Variants in EPHA3 observed in about 807,000 individuals in gnomAD.
EPHA3 encodes the protein EPH receptor A3.
EPHA3 carries 42 observed loss-of-function variants against 107.1 expected under a neutral mutation model. That is an observed-to-expected ratio of 0.39 (90% confidence interval 0.31 to 0.51). The LOEUF (loss-of-function observed/expected upper bound fraction) is 0.51. EPHA3 is among the 20% of genes least tolerant of loss of function. The probability of loss-of-function intolerance (pLI) is 0.78; values close to 1 mark genes in which losing one functional copy is unlikely to be tolerated. For synonymous variants in EPHA3, 461 were observed against 424.8 expected (o/e 1.09, Z -1.05); for missense variants, 1,183 against 1,211.2 (o/e 0.98, Z 0.35).
chr3:89,460,020 C>T (rs1285580422), intron 15 of EPHA3, among the ~76,000 whole-genome samples: 1 of 152,038 alleles, frequency 6.6e-6, no homozygotes, highest in Non-Finnish European at 1.5e-5. Context: ...AATTTATTCA[C>T]TTATTTTATA....
intron 3 of EPHA3, among the ~76,000 whole-genome samples, chr3:89,238,453 T>G (rs1704822947): frequency 6.6e-6 from 1 of 152,224 alleles, no homozygotes; most frequent in Non-Finnish European, 1.5e-5. Context: ...TTTCTAAAGA[T>G]TTCAATATTG....
intron 2 of EPHA3, among the ~76,000 whole-genome samples, chr3:89,173,457 A>G (rs1157868408): frequency 6.6e-6 from 1 of 152,046 alleles, no homozygotes; most frequent in Non-Finnish European, 1.5e-5. Flanking sequence ...GTTTCATTTT[A>G]TCGTTTTAGA....
rs780224889 is a variant in EPHA3, at chr3:89,107,788, T to C, written c.40T>C (p.Ser14Pro). The change falls in exon 1 of 17, where the codon TCT becomes CCT. Residue 14 changes from serine (S) to proline (P), a missense_variant. Ser to Pro is a moderately conservative substitution (Grantham distance 74, BLOSUM62 -1). Transcript: ENST00000336596. ...QLSILLLLSC[S>P]VLDSFGELIP... ...CTCCATCCTCCTCCTTCTCAGCTGC[T>C]CTGTTCTCGACAGCTTCGGGGAACT... 2.4e-5 allele frequency: 39 copies of C among 1,614,066 alleles called. No homozygotes were observed. In the South Asian group the frequency reaches 4.0e-4, roughly 16 times the overall value.
intron 3 of EPHA3, among the ~76,000 whole-genome samples, chr3:89,257,189 C>T (rs1386087006): frequency 6.6e-6 from 1 of 152,204 alleles, no homozygotes; most frequent in Non-Finnish European, 1.5e-5. Context: ...CTTCTTCTAG[C>T]AGCTCAGACC....
At chr3:89,311,655 G>C (rs1051815299) in intron 3 of EPHA3, among the ~76,000 whole-genome samples, 2 of 152,058 alleles carry the variant, frequency 1.3e-5, no homozygotes, top group Non-Finnish European at 2.9e-5. Flanking sequence ...GCCATCAACT[G>C]TCTCTTAAAA....
At chr3:89,337,630 A>G (rs1324952835) in intron 3 of EPHA3, among the ~76,000 whole-genome samples, 2 of 152,224 alleles carry the variant, frequency 1.3e-5, no homozygotes, top group African/African-American at 4.8e-5. Flanking sequence ...AGATGTTGCA[A>G]TGTCTGTCCC....
rs563207534 is a variant in EPHA3 at position 89,151,884 on chromosome 3, CTT to C, written c.153+24614_153+24615del. Among the ~76,000 whole-genome samples, 9 of 152,158 alleles carry C rather than the reference CTT, an allele frequency of 5.9e-5. No homozygotes were observed. In the South Asian group the frequency reaches 1.9e-3, roughly 32 times the overall value. Reference sequence around the variant, plus strand: ...ATGACCTGAAGCTCAAGTAAGAAAACTTTTCTCCAAATTCTGTTTGCAATGAT... The same window carrying C: ...ATGACCTGAAGCTCAAGTAAGAAAACTTCTCCAAATTCTGTTTGCAATGAT... On this transcript the variant is annotated intron_variant, in intron 2 of 16. Coordinates refer to ENST00000336596, the MANE Select transcript of EPHA3 (RefSeq NM_005233.6).
intron 2 of EPHA3, among the ~76,000 whole-genome samples, chr3:89,207,413 T>C (rs1291612140): frequency 1.3e-5 from 2 of 152,168 alleles, no homozygotes; most frequent in Non-Finnish European, 2.9e-5. Flanking sequence ...GGATCAATCA[T>C]ACTCAAAACT....
chr3:89,303,249 T>C (rs1332633211), intron 3 of EPHA3, among the ~76,000 whole-genome samples: 5 of 152,060 alleles, frequency 3.3e-5, no homozygotes, highest in Non-Finnish European at 7.4e-5. Context: ...TTTTAATTGA[T>C]GGTATTTGCC....
chr3:89,110,301 A>G (rs1183474738), intron 1 of EPHA3, among the ~76,000 whole-genome samples: 1 of 152,030 alleles, frequency 6.6e-6, no homozygotes, highest in African/African-American at 2.4e-5. Context: ...AGAACCAAAG[A>G]GAACAAAACC....
intron 3 of EPHA3, among the ~76,000 whole-genome samples, chr3:89,296,882 A>G (rs1012784292): frequency 2.0e-5 from 3 of 152,154 alleles, no homozygotes; most frequent in Non-Finnish European, 2.9e-5. Flanking sequence ...CAGTTTTTCT[A>G]TCATCAGTAC....
At chr3:89,223,701 C>T (rs935270886) in intron 3 of EPHA3, among the ~76,000 whole-genome samples, 1 of 152,106 alleles carries the variant, frequency 6.6e-6, no homozygotes, top group African/African-American at 2.4e-5. Context: ...TGACTTTATA[C>T]ATTTGGATTT....
At chr3:89,125,091 T>C (rs1205022564) in intron 1 of EPHA3, among the ~76,000 whole-genome samples, 1 of 151,864 alleles carries the variant, frequency 6.6e-6, no homozygotes, top group East Asian at 1.9e-4. Flanking sequence ...ATCTTCTTCT[T>C]CTCACTCTGG....
Position 89,479,528 on chromosome 3 carries a change from C to T in EPHA3, c.*26C>T, listed in dbSNP as rs370543090. Reference sequence around the variant, plus strand: ...AGCACGGGACGGAAGTGCTTCTGGACGGAAGTGGTGGCTGTGGAAGGCGTA... The same window carrying T: ...AGCACGGGACGGAAGTGCTTCTGGATGGAAGTGGTGGCTGTGGAAGGCGTA... On this transcript the variant is annotated 3_prime_UTR_variant, in exon 17 of 17. Transcript: ENST00000336596. 56 of 1,570,648 alleles carry T rather than the reference C, an allele frequency of 3.6e-5. No homozygotes were observed. Among genetic ancestry groups the T allele is most frequent in the Middle Eastern group, 1.7e-4 (1 of 5,846 alleles).
chr3:89,217,100 C>T (rs1576238793), intron 3 of EPHA3, among the ~76,000 whole-genome samples: 1 of 152,086 alleles, frequency 6.6e-6, no homozygotes, highest in Admixed American at 6.6e-5. Context: ...TTTTGACAAT[C>T]CCTTATTAGT....
chr3:89,122,862 C>CTA (rs1379025921), intron 1 of EPHA3, among the ~76,000 whole-genome samples: 2 of 152,080 alleles, frequency 1.3e-5, no homozygotes, highest in African/African-American at 4.8e-5. Context: ...GAAGAAAAGA[C>CTA]TATGTAAATT....
intron 2 of EPHA3, among the ~76,000 whole-genome samples, chr3:89,208,068 T>G (rs1706150015): frequency 6.6e-6 from 1 of 152,068 alleles, no homozygotes; most frequent in Non-Finnish European, 1.5e-5. Context: ...CCCATGGGGT[T>G]ATACCGTAAG....
At chr3:89,421,258 A>T (rs550291824) in intron 11 of EPHA3, among the ~76,000 whole-genome samples, 1 of 151,506 alleles carries the variant, frequency 6.6e-6, no homozygotes, top group African/African-American at 2.4e-5. Context: ...TTTGATGACA[A>T]GTGACTAAAA....
chr3:89,270,650 C>G (rs1705646987), intron 3 of EPHA3, among the ~76,000 whole-genome samples: 2 of 151,914 alleles, frequency 1.3e-5, no homozygotes, highest in African/African-American at 4.8e-5. Context: ...TTGTCTGTGC[C>G]CCAGAGTTGT....
Sources: allele counts gnomAD v4.1 joint callset (sites outside exome capture counted in the v4.1 genomes callset), GRCh38; gene constraint gnomAD v4.1.1; transcripts MANE v1.5; gene names NCBI Gene and HGNC (gene_info 2026-07-23, HGNC 2026-07-21).